KDM2A: variants seen among roughly 807,000 people sequenced by gnomAD.
KDM2A encodes the protein lysine-specific demethylase 2A.
Under a neutral mutation model 137.3 loss-of-function variants are expected in KDM2A, and 3 were observed. The ratio of observed to expected loss-of-function variants is 0.02; its 90% CI spans 0.01 to 0.06. The LOEUF (loss-of-function observed/expected upper bound fraction) is 0.06, where lower values mean the gene tolerates loss of function less well. Among genes scored for constraint, KDM2A ranks in the 10% least tolerant of loss-of-function variants. The pLI is 1.00. For synonymous variants in KDM2A, 512 were observed against 541.5 expected, an observed-to-expected ratio of 0.95 and a Z score of 0.76; for missense variants, 738 against 1,510.6, an observed-to-expected ratio of 0.49 and a Z score of 8.48.
intron 5 of KDM2A, among the ~76,000 whole-genome samples, chr11:67,200,126 T>A (rs660960): frequency 0.72 from 109,280 of 151,806 alleles, 44,996 homozygotes; most frequent in South Asian, 0.93. Context: ...GAAAAAAGGT[T>A]CCTTTCAAAA....
chr11:67,223,107 G>A (rs1440377387), intron 10 of KDM2A, among the ~76,000 whole-genome samples: 5 of 150,824 alleles, frequency 3.3e-5, no homozygotes, highest in Admixed American at 1.3e-4. Flanking sequence ...CAGGAAAATC[G>A]CTTGAACCTG....
chr11:67,219,928 C>A (rs1858290263), intron 10 of KDM2A, among the ~76,000 whole-genome samples: 1 of 151,918 alleles, frequency 6.6e-6, no homozygotes, highest in South Asian at 2.1e-4. Flanking sequence ...TCTTGGATTT[C>A]TTTTTCTTTC....
intron 2 of KDM2A, among the ~76,000 whole-genome samples, chr11:67,178,330 A>G (rs897776776): frequency 3.3e-5 from 5 of 152,156 alleles, no homozygotes; most frequent in African/African-American, 1.2e-4. Flanking sequence ...ACCTGAGCCT[A>G]GGAGGTTGAG....
chr11:67,238,467 A>G (rs192762741), intron 12 of KDM2A, among the ~76,000 whole-genome samples: 1 of 152,356 alleles, frequency 6.6e-6, no homozygotes, highest in East Asian at 1.9e-4. Context: ...TTCAAACAAA[A>G]TAAGCCGATT....
chr11:67,219,267 C>A, intron 9 of KDM2A, 21 bp from the exon 10 acceptor site: 1 of 1,327,386 alleles, frequency 7.5e-7, no homozygotes, highest in Non-Finnish European at 1.1e-6. Flanking sequence ...CAGCCACTGC[C>A]CTCTGTTCCC....
intron 12 of KDM2A, among the ~76,000 whole-genome samples, chr11:67,241,904 A>G (rs1460758665): frequency 6.6e-6 from 1 of 152,100 alleles, no homozygotes; most frequent in Non-Finnish European, 1.5e-5. Flanking sequence ...CTCCGTCTCT[A>G]CTAAAAATAC....
chr11:67,255,168 G>A lies in KDM2A; in HGVS notation c.*113G>A. The A allele has an allele frequency of 2.2e-6, 2 of 926,156 alleles. No homozygotes were observed. The highest frequency in any genetic ancestry group is 2.3e-5 in the Admixed American group (1 of 43,856). The allele number at this position is 926,156 out of a possible 1,614,324, so 57.4% of individuals were successfully genotyped here. ...GAGGCCAGCGTCACACTCCCTCTCT[G>A]CTCTCCTGTCCCTTGAGCCCTTCCT... is the stretch of plus-strand genomic sequence containing the variant. On this transcript the variant is annotated 3_prime_UTR_variant, in exon 21 of 21. Transcript: ENST00000529006.
At chr11:67,181,558 T>A (rs2136336224) in intron 4 of KDM2A, among the ~76,000 whole-genome samples, 160 bp downstream of exon 4, 1 of 151,802 alleles carries the variant, frequency 6.6e-6, no homozygotes. Context: ...CACAAGTGTT[T>A]CATATTAGAG....
At chr11:67,142,612 G>A (rs1856137156) in intron 2 of KDM2A, among the ~76,000 whole-genome samples, 1 of 151,082 alleles carries the variant, frequency 6.6e-6, no homozygotes, top group Non-Finnish European at 1.5e-5. Flanking sequence ...GTCAAGGCAA[G>A]AGAATCGCTT....
At chr11:67,181,548 C>A in intron 4 of KDM2A, 150 bp downstream of exon 4, 2 of 575,200 alleles carry the variant, frequency 3.5e-6, no homozygotes, top group Non-Finnish European at 6.0e-6. Flanking sequence ...TCTTTTGATA[C>A]ACAAGTGTTT....
At chr11:67,246,190 G>A (rs1784149175) in intron 15 of KDM2A, 74 bp downstream of exon 15, 2 of 1,531,798 alleles carry the variant, frequency 1.3e-6, no homozygotes, top group African/African-American at 2.7e-5. Flanking sequence ...GGACACTTGT[G>A]ATGGGAGTGC....
intron 2 of KDM2A, chr11:67,148,942 T>C (rs1001864430): frequency 6.6e-6 from 1 of 152,130 alleles, no homozygotes; most frequent in Non-Finnish European, 1.5e-5. Context: ...GCATTACAGA[T>C]CTACTTAAAT....
At chr11:67,154,258 C>T (rs1361277453) in intron 2 of KDM2A, among the ~76,000 whole-genome samples, 2 of 152,100 alleles carry the variant, frequency 1.3e-5, no homozygotes, top group Admixed American at 6.5e-5. Context: ...ATGGTTTTTA[C>T]GTCTTTTAAT....
At chr11:67,240,269 C>CT in intron 12 of KDM2A, 1 of 1,535,646 alleles carries the variant, frequency 6.5e-7, no homozygotes, top group South Asian at 1.2e-5. Context: ...GGCAGAATAT[C>CT]TAACTCCTTC....
rs540241028 is a variant in KDM2A, at chr11:67,124,257, G to A, written c.42+2899G>A. Reference sequence around the variant, plus strand: ...GACCTCAGATGATCCACCCACATCAGCCTCTCAAAGTGCTGGGATTACAGG... The same window carrying A: ...GACCTCAGATGATCCACCCACATCAACCTCTCAAAGTGCTGGGATTACAGG... On this transcript the variant is annotated intron_variant, in intron 2 of 20. Transcript: ENST00000529006. 3.3e-3 allele frequency among the ~76,000 whole-genome samples: 503 copies of A among 152,202 alleles called. 1 individual carries two copies. Among genetic ancestry groups the A allele is most frequent in the Non-Finnish European group, 5.7e-3 (386 of 68,016 alleles).
intron 5 of KDM2A, among the ~76,000 whole-genome samples, chr11:67,188,887 G>A (rs1037102572): frequency 4.0e-5 from 6 of 151,668 alleles, no homozygotes; most frequent in African/African-American, 1.5e-4. Flanking sequence ...AAACATTTAT[G>A]TACCTAACGA....
chr11:67,228,759 C>T (rs368528427), intron 11 of KDM2A, among the ~76,000 whole-genome samples: 1 of 151,060 alleles, frequency 6.6e-6, no homozygotes, highest in African/African-American at 2.4e-5. Flanking sequence ...GTTTTAGAGA[C>T]AGGGCCTTGC....
At position 67,243,101 on chromosome 11, in the gene KDM2A, C is replaced by T. The variant is rs762981296; in HGVS notation, c.1563+9C>T. The T allele has an allele frequency of 5.0e-6, 8 of 1,596,512 alleles. No individual in the cohort carries two copies. The highest frequency in any genetic ancestry group is 3.3e-5 in the South Asian group (3 of 90,692). On this transcript the variant is annotated intron_variant, in intron 13 of 20. Transcript: ENST00000529006. ...GGCCAAAAAGGGATAAGGTAAGAAA[C>T]TATTTTCCTTGATCTTTAGGCTGCT... is the stretch of plus-strand genomic sequence containing the variant.
At chr11:67,225,717 C>T (rs559984865) in intron 10 of KDM2A, among the ~76,000 whole-genome samples, 4 of 151,422 alleles carry the variant, frequency 2.6e-5, no homozygotes, top group Admixed American at 6.6e-5. Context: ...TGCGGTGAGC[C>T]GAGATCACAC....
Sources: allele counts gnomAD v4.1 joint callset (sites outside exome capture counted in the v4.1 genomes callset), GRCh38; gene constraint gnomAD v4.1.1; transcripts MANE v1.5; gene names NCBI Gene and HGNC (gene_info 2026-07-23, HGNC 2026-07-21).